Variants in WDR35 observed in about 807,000 individuals in gnomAD.
WDR35 encodes WD repeat-containing protein 35.
Under a neutral mutation model 158.3 loss-of-function variants are expected in WDR35, and 118 were observed. That is an observed-to-expected ratio of 0.75 (90% CI 0.64 to 0.87). The LOEUF (loss-of-function observed/expected upper bound fraction) is 0.87. Among genes scored for constraint, WDR35 ranks in the 40% least tolerant of loss-of-function variants. The pLI is 0.00. For synonymous variants in WDR35, 448 were observed against 476.1 expected (o/e 0.94, Z 0.77); for missense variants, 1,263 against 1,405.8 (o/e 0.90, Z 1.62).
intron 13 of WDR35, among the ~76,000 whole-genome samples, chr2:19,949,445 G>A (rs1671165632): frequency 6.6e-6 from 1 of 152,170 alleles, no homozygotes; most frequent in Non-Finnish European, 1.5e-5. Context: ...TGGCATAGTG[G>A]GGATGGGGAA....
At position 19,990,053 on chromosome 2, in the gene WDR35, C is replaced by A; in HGVS notation, c.-38G>T. ...GAGAGGGTCACGGCGGCCGCTAAGG[C>A]CCTCGACAAGTAACGGTTCTACGTC... is the stretch of plus-strand genomic sequence containing the variant. On this transcript the variant is annotated 5_prime_UTR_variant, in exon 1 of 27. Transcript: ENST00000281405. 6.2e-7 allele frequency: 1 copy of A among 1,612,352 alleles called. No individual in the cohort carries two copies. Among genetic ancestry groups the A allele is most frequent in the Non-Finnish European group, 8.5e-7 (1 of 1,179,244 alleles).
At chr2:19,975,419 A>T in intron 6 of WDR35, 111 bp downstream of exon 6, 1 of 1,212,318 alleles carries the variant, frequency 8.2e-7, no homozygotes, top group Non-Finnish European at 1.1e-6. Flanking sequence ...TGAATTGAAG[A>T]CTTTAATTAC....
rs573430534 is a variant in WDR35, at chr2:19,969,530, G to T, written c.958C>A (p.Leu320Ile). The change falls in exon 9 of 27, where the codon CTA becomes ATA. Residue 320 changes from leucine to isoleucine, a missense_variant. Leu to Ile is a conservative substitution (Grantham distance 5). Coordinates refer to ENST00000281405, the MANE Select transcript of WDR35 (RefSeq NM_020779.4). ...SWEGGGLKIA[L>I]AVDSFIYFAN... The stretch of plus-strand genomic sequence containing the variant: ...AAATATATAAAGGAATCAACAGCTA[G>T]TGCAATTTTCAGTCCACCTCCTTCC... The T allele has an allele frequency of 1.1e-5, 18 of 1,613,770 alleles. No homozygotes were observed. In the African/African-American group the frequency reaches 2.3e-4, roughly 20 times the overall value.
chr2:19,949,414 C>A (rs768308527), intron 13 of WDR35, among the ~76,000 whole-genome samples: 53 of 152,096 alleles, frequency 3.5e-4, no homozygotes, highest in Middle Eastern at 6.8e-3. Context: ...GCTGCAGTGG[C>A]CAGAAGTATA....
chr2:19,979,987 T>C (rs1026424501), intron 4 of WDR35, among the ~76,000 whole-genome samples: 1 of 152,186 alleles, frequency 6.6e-6, no homozygotes, highest in Non-Finnish European at 1.5e-5. Flanking sequence ...GCTGCTTTTC[T>C]GGTAAAAGTG....
At chr2:19,976,052 C>T (rs892275408) in intron 5 of WDR35, among the ~76,000 whole-genome samples, 6 of 152,166 alleles carry the variant, frequency 3.9e-5, no homozygotes. Context: ...AGAGGTATTT[C>T]CCCAGTCAGT....
chr2:19,973,420 C>A (rs572197075), intron 8 of WDR35, 143 bp downstream of exon 8: 2 of 814,028 alleles, frequency 2.5e-6, no homozygotes, highest in African/African-American at 3.6e-5. Flanking sequence ...TGATAAAATA[C>A]AACAAAGATT....
At chr2:19,915,933 A>T (rs1344703906) in intron 25 of WDR35, among the ~76,000 whole-genome samples, 2 of 151,964 alleles carry the variant, frequency 1.3e-5, no homozygotes, top group Non-Finnish European at 2.9e-5. Flanking sequence ...AAAAAAAAAA[A>T]AAAAAAAGTT....
At position 19,947,108 on chromosome 2, in the gene WDR35, A is replaced by G. The variant is rs368218881; in HGVS notation, c.1525-538T>C. ...TTAGTTTAAATAAGTTTAAAAAATAAAGCAGCATATAATTTTGTACACAAC... is the reference window on the plus strand; with the variant it reads ...TTAGTTTAAATAAGTTTAAAAAATAGAGCAGCATATAATTTTGTACACAAC... On this transcript the variant is annotated intron_variant, in intron 14 of 26. Coordinates refer to ENST00000281405, the MANE Select transcript of WDR35 (RefSeq NM_020779.4). Among the ~76,000 whole-genome samples the G allele has an allele frequency of 2.0e-5, 3 of 152,364 alleles. No homozygotes were observed. In the South Asian group the frequency reaches 6.2e-4, roughly 32 times the overall value.
intron 19 of WDR35, 41 bp downstream of exon 19, chr2:19,937,702 C>A: frequency 6.2e-7 from 1 of 1,611,874 alleles, no homozygotes; most frequent in South Asian, 1.1e-5. Flanking sequence ...CAATGATGAA[C>A]TGATAGAGTA....
intron 8 of WDR35, 24 bp downstream of exon 8, chr2:19,973,539 G>A (rs750501233): frequency 6.2e-7 from 1 of 1,613,980 alleles, no homozygotes; most frequent in South Asian, 1.1e-5. Context: ...TAGAAAGAAA[G>A]AAGATCAATT....
chr2:19,938,600 T>C (rs972409887), intron 17 of WDR35, among the ~76,000 whole-genome samples, 199 bp from the exon 18 acceptor site: 3 of 152,124 alleles, frequency 2.0e-5, no homozygotes, highest in Admixed American at 1.3e-4. Flanking sequence ...TAAGTACCTC[T>C]GAGGCAATCA....
At chr2:19,956,862 G>A (rs894742134) in intron 11 of WDR35, among the ~76,000 whole-genome samples, 20 of 151,982 alleles carry the variant, frequency 1.3e-4, no homozygotes, top group Non-Finnish European at 2.8e-4. Context: ...CTCGTGATCC[G>A]CCCGTCTTGG....
chr2:19,937,969 ACATAAGTG>A, intron 18 of WDR35, 23 bp from the exon 19 acceptor site: 2 of 1,612,988 alleles, frequency 1.2e-6, no homozygotes, highest in Non-Finnish European at 1.7e-6. Context: ...AGAAACAAAA[ACATAAGTG>A]CATATTGCAA....
intron 25 of WDR35, among the ~76,000 whole-genome samples, chr2:19,918,571 T>C (rs1418089241): frequency 6.6e-6 from 1 of 150,464 alleles, no homozygotes; most frequent in South Asian, 2.1e-4. Flanking sequence ...AAAGCAATAA[T>C]AAGAAAAAAA....
intron 25 of WDR35, among the ~76,000 whole-genome samples, chr2:19,924,872 G>A (rs1220326776): frequency 6.6e-6 from 1 of 152,172 alleles, no homozygotes; most frequent in Non-Finnish European, 1.5e-5. Context: ...CAGGCCACCA[G>A]ATAGCTGAAA....
Position 19,934,759 on chromosome 2 carries a change from C to G in WDR35, c.2547+712G>C, listed in dbSNP as rs1314888973. Among the ~76,000 whole-genome samples the G allele has an allele frequency of 6.6e-6, 1 of 152,062 alleles. No individual in the cohort carries two copies. Among genetic ancestry groups the G allele is most frequent in the Non-Finnish European group, 1.5e-5 (1 of 68,006 alleles). ...TTGAAAATAAGGGTGAGTGAAAATA[C>G]CATTATTACAGAGATAGCCGCTCAA... On this transcript the variant is annotated intron_variant, in intron 21 of 26. Transcript: ENST00000281405. This position sits in a 1 kb window ranked among gnomAD's most constrained non-coding sequence, Gnocchi z 4.6.
intron 1 of WDR35, 118 bp downstream of exon 1, chr2:19,989,874 G>C: frequency 1.3e-6 from 2 of 1,511,018 alleles, no homozygotes; most frequent in Non-Finnish European, 1.8e-6. Flanking sequence ...GATGGCTGCG[G>C]AATGGCGAAG....
At chr2:19,930,242 C>T (rs1670481939) in intron 25 of WDR35, among the ~76,000 whole-genome samples, 154 bp downstream of exon 25, 1 of 151,814 alleles carries the variant, frequency 6.6e-6, no homozygotes, top group Non-Finnish European at 1.5e-5. Context: ...AAAAAAACTT[C>T]AAAAATGGGA....
Sources: gnomAD v4.1 joint callset for allele counts (sites outside exome capture counted in the v4.1 genomes callset) on GRCh38, gnomAD v4.1.1 for gene constraint, Gnocchi (gnomAD v3.1) non-coding constraint, MANE v1.5 for transcripts, NCBI Gene and HGNC (gene_info 2026-07-23, HGNC 2026-07-21) for gene names.